The following LRP5 variants were observed in gnomAD, a reference collection of about 807,000 sequenced individuals.
LRP5 encodes the protein LDL receptor related protein 5.
A neutral mutation model predicts 154.1 loss-of-function variants in LRP5; 62 were observed. That is an observed-to-expected ratio of 0.40 (90% CI 0.33 to 0.50). The LOEUF is 0.50. LRP5 is among the 20% of genes least tolerant of loss of function. LRP5 has a pLI of 0.55. For synonymous variants in LRP5, 966 were observed against 1,011.5 expected (o/e 0.96, Z 0.85); for missense variants, 1,915 against 2,336.7 (o/e 0.82, Z 3.72).
At position 68,425,219 on chromosome 11, in the gene LRP5, G is replaced by A; in HGVS notation, c.3354G>A (p.Val1118=). The change falls in exon 15 of 23, where the codon GTG becomes GTA. Residue 1118 remains valine (V), a synonymous_variant. Transcript: ENST00000294304. The part of the protein sequence containing the change: ...TTGLIRPVAL[V]VDNTLGKLFW... ...GCCTCATCCGCCCTGTGGCCCTGGT[G>A]GTGGACAACACACTGGGCAAGCTGT... The A allele has an allele frequency of 1.2e-6, 2 of 1,613,386 alleles. No individual in the cohort carries two copies. The highest frequency in any genetic ancestry group is 1.7e-6 in the Non-Finnish European group (2 of 1,180,002).
chr11:68,437,142 G>A, intron 19 of LRP5, 143 bp downstream of exon 19: 1 of 696,352 alleles, frequency 1.4e-6, no homozygotes, highest in Admixed American at 2.2e-5. Flanking sequence ...CTTGCGGGAG[G>A]CAGGGAAGCC....
intron 2 of LRP5, among the ~76,000 whole-genome samples, chr11:68,348,895 G>A (rs1234195012): frequency 6.6e-6 from 1 of 151,220 alleles, no homozygotes; most frequent in African/African-American, 2.4e-5. Context: ...AGTGAGCTGT[G>A]ATCCCACCAC....
rs183559350 is a variant in LRP5, at chr11:68,361,325, A to T, written c.687-2422A>T. Among the ~76,000 whole-genome samples, 1,240 of 148,174 alleles carry T rather than the reference A, an allele frequency of 8.4e-3. 11 individuals carry two copies. Among genetic ancestry groups the T allele is most frequent in the Middle Eastern group, 0.014 (4 of 278 alleles). ...GTCTCAAAAAAAAAAATAATAAAAT[A>T]AAATAATAAAATTAAAAAATTAAAA... On this transcript the variant is annotated intron_variant, in intron 3 of 22. Coordinates refer to ENST00000294304, the MANE Select transcript of LRP5 (RefSeq NM_002335.4).
chr11:68,429,686 T>C lies in LRP5; in HGVS notation c.3749T>C (p.Leu1250Pro). The change falls in exon 17 of 23, where the codon CTG (leucine) becomes CCG (proline). Residue 1250 changes from leucine to proline, a missense_variant. Leu to Pro is a moderately conservative substitution (Grantham distance 98). Around this residue, in one of 3 missense-constraint regions of LRP5, gnomAD observed 1,094 missense variants for 1,210.1 expected, o/e 0.90. Coordinates refer to ENST00000294304, the MANE Select transcript of LRP5 (RefSeq NM_002335.4). Reference sequence around the variant, plus strand: ...GTCCACCTCGTGCTCCTGCAGAACCTGCTGACCTGTGGAGGTAGGTGTGAC... The same window carrying C: ...GTCCACCTCGTGCTCCTGCAGAACCCGCTGACCTGTGGAGGTAGGTGTGAC... The part of the protein sequence containing the change: ...CPVHLVLLQN[L>P]LTCGEPPTCS... 5.0e-6 allele frequency: 8 copies of C among 1,614,180 alleles called. No individual in the cohort carries two copies. Among genetic ancestry groups the C allele is most frequent in the Non-Finnish European group, 6.8e-6 (8 of 1,180,042 alleles).
chr11:68,325,747 C>T (rs2098599284), intron 1 of LRP5, among the ~76,000 whole-genome samples: 1 of 152,214 alleles, frequency 6.6e-6, no homozygotes, highest in Admixed American at 6.5e-5. Context: ...CTGTTGTGTC[C>T]TGCTCCTAGC....
At chr11:68,300,296 C>T in the LRP5 span, among the ~76,000 whole-genome samples, 145 of 149,138 alleles carry the variant, frequency 9.7e-4, 3 homozygotes, top group African/African-American at 3.4e-3. Flanking sequence ...GGGGTGAGGG[C>T]CTGGAGGAGG....
intron 8 of LRP5, among the ~76,000 whole-genome samples, chr11:68,404,780 C>A (rs1411468984): frequency 1.3e-5 from 2 of 151,998 alleles, no homozygotes; most frequent in Non-Finnish European, 2.9e-5. Flanking sequence ...ACCATCCTGG[C>A]TAACAAGGTG....
intron 5 of LRP5, among the ~76,000 whole-genome samples, chr11:68,385,969 G>A (rs1197834113): frequency 6.6e-6 from 1 of 152,158 alleles, no homozygotes; most frequent in East Asian, 1.9e-4. Flanking sequence ...GTGGCCAGGA[G>A]AGGGGCTGGC....
At chr11:68,426,395 C>T (rs978233555) in intron 16 of LRP5, among the ~76,000 whole-genome samples, 6 of 151,206 alleles carry the variant, frequency 4.0e-5, no homozygotes, top group South Asian at 2.1e-4. Context: ...CAAATCACCA[C>T]GAACAGCGTT....
In LRP5 at chr11:68,436,918, G is replaced by A. The variant is rs982451610; in HGVS notation, c.4030G>A (p.Ala1344Thr). ...AICLPNQFRC[A>T]SGQCVLIKQQ... The stretch of plus-strand genomic sequence containing the variant: ...CTGCCTGCCCAACCAGTTCCGGTGT[G>A]CGAGCGGCCAGTGTGTCCTCATCAA... Residue 1344 changes from alanine (A) to threonine (T), a missense_variant, in exon 19 of 23, where the codon GCG (alanine) becomes ACG (threonine). Physicochemically the swap from Ala to Thr is moderately conservative, Grantham distance 58 (BLOSUM62 0). Coordinates refer to ENST00000294304, the MANE Select transcript of LRP5 (RefSeq NM_002335.4). 3 of 1,613,868 alleles carry A rather than the reference G, an allele frequency of 1.9e-6. No individual in the cohort carries two copies. The South Asian group carries it at 3.3e-5, about 18-fold the overall frequency.
At chr11:68,402,724 C>G (rs988154553) in intron 7 of LRP5, among the ~76,000 whole-genome samples, 1 of 152,190 alleles carries the variant, frequency 6.6e-6, no homozygotes, top group South Asian at 2.1e-4. Context: ...ATTGCTGCAC[C>G]TGGGGCAGGC....
rs369126171 is a variant in LRP5 at position 68,362,847 on chromosome 11, C to T, written c.687-900C>T. Among the ~76,000 whole-genome samples, 3 of 152,258 alleles carry T rather than the reference C, an allele frequency of 2.0e-5. No homozygotes were observed. The East Asian group carries it at 5.8e-4, about 29-fold the overall frequency. Reference sequence around the variant, plus strand: ...GCCACTTCATGAGTGTCACCCTCTCCTGGCAACTGTGCTGAGGGCTGGGGA... The same window carrying T: ...GCCACTTCATGAGTGTCACCCTCTCTTGGCAACTGTGCTGAGGGCTGGGGA... On this transcript the variant is annotated intron_variant, in intron 3 of 22. Coordinates refer to ENST00000294304, the MANE Select transcript of LRP5 (RefSeq NM_002335.4).
chr11:68,340,042 ACCAG>A (rs2098608022), intron 1 of LRP5, among the ~76,000 whole-genome samples: 1 of 152,070 alleles, frequency 6.6e-6, no homozygotes, highest in Non-Finnish European at 1.5e-5. Context: ...GGAGTTCGAG[ACCAG>A]CCTGACCAAC....
chr11:68,304,866 C>T, the LRP5 span, among the ~76,000 whole-genome samples: 1 of 152,198 alleles, frequency 6.6e-6, no homozygotes, highest in Admixed American at 6.5e-5. Flanking sequence ...ATGCCTATGC[C>T]CCCATTGTAT....
intron 13 of LRP5, among the ~76,000 whole-genome samples, chr11:68,422,228 G>A (rs1368384712): frequency 6.6e-6 from 1 of 152,198 alleles, no homozygotes; most frequent in Non-Finnish European, 1.5e-5. Context: ...GATCACAGGT[G>A]TGAGCCACTG....
chr11:68,434,211 T>G (rs1202726422), intron 18 of LRP5, among the ~76,000 whole-genome samples: 2 of 152,208 alleles, frequency 1.3e-5, no homozygotes, highest in Non-Finnish European at 2.9e-5. Flanking sequence ...TGCTTAAGCC[T>G]GAGTGGTTTC....
intron 1 of LRP5, among the ~76,000 whole-genome samples, chr11:68,336,071 C>A (rs2153122550): frequency 6.6e-6 from 1 of 152,288 alleles, no homozygotes; most frequent in South Asian, 2.1e-4. Context: ...GCAATGACCC[C>A]AAGTAGCAGT....
chr11:68,443,611 G>T, intron 21 of LRP5, among the ~76,000 whole-genome samples: 1 of 90,628 alleles, frequency 1.1e-5, no homozygotes, highest in Non-Finnish European at 2.0e-5. Flanking sequence ...GTTATGTTCA[G>T]AAAGGCCTTC....
intron 1 of LRP5, among the ~76,000 whole-genome samples, chr11:68,332,398 G>A (rs1388321474): frequency 6.6e-6 from 1 of 152,246 alleles, no homozygotes; most frequent in Non-Finnish European, 1.5e-5. Context: ...GCCTTGCTCT[G>A]CAGGCAGCCC....
Sources: gnomAD v4.1 joint callset for allele counts (sites outside exome capture counted in the v4.1 genomes callset) on GRCh38, gnomAD v4.1.1 for gene constraint, gnomAD v4.1.1 regional missense constraint, MANE v1.5 for transcripts, NCBI Gene and HGNC (gene_info 2026-07-23, HGNC 2026-07-21) for gene names.